The following CEP95 variants were observed in gnomAD, a reference collection of about 807,000 sequenced individuals.
The protein encoded by CEP95 is centrosomal protein of 95 kDa.
Under a neutral mutation model 111.2 loss-of-function variants are expected in CEP95, and 98 were observed. The observed-to-expected ratio is 0.88, with a 90% CI of 0.75 to 1.04. CEP95 has a LOEUF of 1.04. Among genes scored for constraint, CEP95 ranks in the 50% least tolerant of loss-of-function variants. CEP95 has a pLI of 0.00. For synonymous variants in CEP95, 323 were observed against 327.1 expected (o/e 0.99, Z 0.14); for missense variants, 1,027 against 977.2 (o/e 1.05, Z -0.68).
At chr17:64,512,433 A>C (rs1422364088) in intron 3 of CEP95, among the ~76,000 whole-genome samples, 1 of 152,218 alleles carries the variant, frequency 6.6e-6, no homozygotes, top group African/African-American at 2.4e-5. Flanking sequence ...AGTATACTAT[A>C]CTGTATTCTA....
chr17:64,516,687 G>A, intron 4 of CEP95, 36 bp from the exon 5 acceptor site: 1 of 1,283,450 alleles, frequency 7.8e-7, no homozygotes, highest in Non-Finnish European at 1.1e-6. Context: ...ATTCACTTAG[G>A]GGTTTTTTGG....
Position 64,533,010 on chromosome 17 carries a change from T to G in CEP95, c.1842+2T>G, listed in dbSNP as rs1344819552. 1 of 1,610,784 alleles carries G rather than the reference T, an allele frequency of 6.2e-7. No individual in the cohort carries two copies. Among genetic ancestry groups the G allele is most frequent in the African/African-American group, 1.3e-5 (1 of 74,560 alleles). On this transcript the variant is annotated splice_donor_variant, in intron 15 of 19. Transcript: ENST00000556440. LOFTEE classifies it high-confidence loss of function. ...TCAAAGAAGAAACTCCAAGATGAAG[T>G]AAGTTACTGTCAGTCTTAAGCATAG...
rs553416493 is a variant in CEP95, at chr17:64,529,353, C to T, written c.1372C>T (p.His458Tyr). Residue 458 changes from histidine (H) to tyrosine (Y), a missense_variant, in exon 12 of 20, where the codon CAC becomes TAC. His to Tyr is a moderately conservative substitution (Grantham distance 83, BLOSUM62 2). Coordinates refer to ENST00000556440, the MANE Select transcript of CEP95 (RefSeq NM_138363.3). ...GCTCTCTCCATCTCCAGTTAACAAA[C>T]ACAAACAGTTCCACTTGGAGAGAAA... The part of the protein sequence containing the change: ...HSLSPSPVNK[H>Y]KQFHLERKRQ... The T allele has an allele frequency of 2.5e-4, 406 of 1,613,796 alleles. 3 individuals are homozygous for T. The South Asian group carries it at 4.3e-3, about 17-fold the overall frequency.
At chr17:64,507,410 T>C (rs1248726768) in intron 1 of CEP95, 2 of 1,369,536 alleles carry the variant, frequency 1.5e-6, no homozygotes, top group African/African-American at 1.5e-5. Flanking sequence ...CGGACTTGTC[T>C]TTCTGTGGGG....
chr17:64,529,941 A>G (rs1413346011), intron 12 of CEP95, among the ~76,000 whole-genome samples: 1 of 152,226 alleles, frequency 6.6e-6, no homozygotes, highest in African/African-American at 2.4e-5. Context: ...TAGGATTTAT[A>G]ATGGTGAAAA....
intron 17 of CEP95, chr17:64,535,489 A>C (rs1968588025): frequency 6.6e-6 from 1 of 152,350 alleles, no homozygotes; most frequent in Admixed American, 6.5e-5. Flanking sequence ...TACCCTATGT[A>C]CATGGCTGCT....
chr17:64,507,734 G>A lies in CEP95; in HGVS notation c.19+618G>A, dbSNP rs782466140. The A allele has an allele frequency of 1.7e-4, 167 of 985,664 alleles. 1 individual carries two copies. The highest frequency in any genetic ancestry group is 1.9e-4 in the Non-Finnish European group (161 of 830,132). 61.1% of individuals were successfully genotyped at this position (985,664 alleles called of 1,614,324 possible). A position where few individuals can be genotyped will look rare whatever the true frequency, so the allele number is the denominator to read the frequency against. On this transcript the variant is annotated intron_variant, in intron 1 of 19. Transcript: ENST00000556440. ...CTGTGAGAAATGGGCGTGGGGAGGGGGATTATGTGCATGGAAAATACACTC... is the reference window on the plus strand; with the variant it reads ...CTGTGAGAAATGGGCGTGGGGAGGGAGATTATGTGCATGGAAAATACACTC...
At position 64,519,380 on chromosome 17, in the gene CEP95, C is replaced by T. The variant is rs1555677156; in HGVS notation, c.533C>T (p.Thr178Ile). The T allele has an allele frequency of 6.2e-7, 1 of 1,613,854 alleles. No homozygotes were observed. ...PSWDGDEAES[T>I]GEIIRLGDTA... ...TGGGATGGAGATGAAGCAGAATCCA[C>T]TGGTGAAATCATTAGACTTGGAGAC... is the stretch of plus-strand genomic sequence containing the variant. The change falls in exon 6 of 20, where the codon ACT becomes ATT. Residue 178 changes from threonine (T) to isoleucine (I), a missense_variant. Transcript: ENST00000556440.
intron 1 of CEP95, chr17:64,507,802 A>G: frequency 2.0e-6 from 2 of 985,406 alleles, no homozygotes; most frequent in South Asian, 4.7e-5. Context: ...CATAGTGGAG[A>G]TGTTTGTTTC....
intron 8 of CEP95, among the ~76,000 whole-genome samples, chr17:64,524,671 T>C (rs1227040683): frequency 2.0e-5 from 3 of 152,164 alleles, no homozygotes; most frequent in African/African-American, 4.8e-5. Flanking sequence ...ATTAAAGATA[T>C]CATTAAACAT....
chr17:64,516,471 C>G (rs1195575161), intron 4 of CEP95, among the ~76,000 whole-genome samples: 1 of 152,178 alleles, frequency 6.6e-6, no homozygotes, highest in African/African-American at 2.4e-5. Flanking sequence ...CTGCCACTGA[C>G]TTAAAAAATA....
At chr17:64,509,246 CA>C (rs1555674037) in intron 2 of CEP95, among the ~76,000 whole-genome samples, 1 of 152,150 alleles carries the variant, frequency 6.6e-6, no homozygotes, top group African/African-American at 2.4e-5. Flanking sequence ...TGTTCAAGAC[CA>C]GGGTGGTACC....
intron 13 of CEP95, 65 bp downstream of exon 13, chr17:64,531,083 T>A: frequency 1.0e-6 from 1 of 958,716 alleles, no homozygotes; most frequent in Non-Finnish European, 1.5e-6. Flanking sequence ...ACAAAGATGA[T>A]CTTTTTAAAA....
At chr17:64,526,246 TG>T in intron 10 of CEP95, 46 bp downstream of exon 10, 1 of 1,545,378 alleles carries the variant, frequency 6.5e-7, no homozygotes, top group South Asian at 1.3e-5. Flanking sequence ...ATGGGTTAAG[TG>T]AGCATTTAAG....
intron 5 of CEP95, among the ~76,000 whole-genome samples, chr17:64,517,588 T>C (rs1403503045): frequency 8.6e-5 from 13 of 151,928 alleles, no homozygotes; most frequent in African/African-American, 2.9e-4. Flanking sequence ...CTGACACTCA[T>C]GGTGGAGTAC....
chr17:64,531,201 A>G, intron 13 of CEP95, 183 bp downstream of exon 13: 1 of 406,000 alleles, frequency 2.5e-6, no homozygotes, highest in Non-Finnish European at 4.4e-6. Flanking sequence ...TTGCTAAAAT[A>G]TGACGAGACA....
intron 4 of CEP95, chr17:64,514,659 T>C (rs550131138): frequency 2.6e-6 from 1 of 388,734 alleles, no homozygotes; most frequent in African/African-American, 2.1e-5. Flanking sequence ...AATTTCTTTC[T>C]CCAAAATTTC....
At chr17:64,527,901 C>T (rs1967982219) in intron 11 of CEP95, among the ~76,000 whole-genome samples, 1 of 150,144 alleles carries the variant, frequency 6.7e-6, no homozygotes, top group East Asian at 2.0e-4. Flanking sequence ...TACACACACA[C>T]ACACACGCGT....
chr17:64,532,937 A>C lies in CEP95; in HGVS notation c.1771A>C (p.Ile591Leu). Residue 591 changes from isoleucine (I) to leucine (L), a missense_variant, in exon 15 of 20, where the codon ATT becomes CTT. Transcript: ENST00000556440. Reference protein sequence around the residue: ...PTLSKMWKQQIAQVEQLKKEA... With the variant: ...PTLSKMWKQQLAQVEQLKKEA... The stretch of plus-strand genomic sequence containing the variant: ...ACTAAGCAAAATGTGGAAACAGCAA[A>C]TTGCACAGGTTGAACAGCTTAAGAA... 1.2e-6 allele frequency: 2 copies of C among 1,613,992 alleles called. No individual in the cohort carries two copies. The highest frequency in any genetic ancestry group is 4.5e-5 in the East Asian group (2 of 44,872).
Sources: gnomAD v4.1 joint callset for allele counts (sites outside exome capture counted in the v4.1 genomes callset) on GRCh38, gnomAD v4.1.1 for gene constraint, MANE v1.5 for transcripts, NCBI Gene and HGNC (gene_info 2026-07-23, HGNC 2026-07-21) for gene names.